Variants in PRR5 observed in about 807,000 individuals in gnomAD.
PRR5 encodes the protein proline rich 5, also known as proline-rich protein 5.
PRR5 carries 25 observed loss-of-function variants against 30.6 expected under a neutral mutation model. The observed-to-expected ratio is 0.82, with a 90% CI of 0.60 to 1.14. PRR5 has a LOEUF of 1.14. PRR5 is among the 50% of genes most tolerant of loss of function. The pLI is 0.00. For synonymous variants in PRR5, 286 were observed against 247.1 expected (o/e 1.16, Z -1.48); for missense variants, 600 against 547.1 (o/e 1.10, Z -0.96).
chr22:44,699,620 G>T (rs1015088823), upstream of PRR5, among the ~76,000 whole-genome samples: 1 of 152,216 alleles, frequency 6.6e-6, no homozygotes, highest in Non-Finnish European at 1.5e-5. Context: ...GCTAGGCACG[G>T]GGACTGTAGC....
chr22:44,732,440 T>G, intron 6 of PRR5, 49 bp downstream of exon 6: 1 of 1,577,280 alleles, frequency 6.3e-7, no homozygotes, highest in Non-Finnish European at 8.6e-7. Context: ...GGGGCAGTAA[T>G]TGGGCTCAGG....
intron 3 of PRR5, 89 bp from the exon 4 acceptor site, chr22:44,726,488 C>G (rs1920951682): frequency 6.9e-6 from 11 of 1,594,024 alleles, no homozygotes; most frequent in Non-Finnish European, 6.8e-6. Context: ...TGGCTGCTCA[C>G]TGGTGGATGG....
At chr22:44,673,220 G>A (rs748622567), upstream of PRR5, among the ~76,000 whole-genome samples, 6 of 152,222 alleles carry the variant, frequency 3.9e-5, no homozygotes, top group African/African-American at 9.7e-5. Flanking sequence ...CAGAAGACCC[G>A]AGTTCTGGCC....
At chr22:44,692,544 C>G (rs1032369603) in intron 1 of PRR5, among the ~76,000 whole-genome samples, 22 of 149,030 alleles carry the variant, frequency 1.5e-4, no homozygotes, top group African/African-American at 5.4e-4. Flanking sequence ...CCCGGGGGCT[C>G]CTCCACCTGG....
chr22:44,734,942 C>G, intron 6 of PRR5, 85 bp from the exon 7 acceptor site: 1 of 1,467,858 alleles, frequency 6.8e-7, no homozygotes, highest in Non-Finnish European at 9.3e-7. Context: ...GACAGGCTGT[C>G]TGGTGGGTGG....
At chr22:44,711,387 G>A (rs909256554) in intron 1 of PRR5, among the ~76,000 whole-genome samples, 1 of 152,164 alleles carries the variant, frequency 6.6e-6, no homozygotes, top group Non-Finnish European at 1.5e-5. Flanking sequence ...GCTTCAGCCT[G>A]GGGCCTCAAG....
upstream of PRR5, among the ~76,000 whole-genome samples, chr22:44,674,274 T>A (rs1923586768): frequency 1.3e-5 from 2 of 151,658 alleles, no homozygotes. Context: ...ACCCTGCCAG[T>A]GTTTTCGTTT....
At chr22:44,719,342 G>A (rs1196437283) in intron 2 of PRR5, among the ~76,000 whole-genome samples, 1 of 151,990 alleles carries the variant, frequency 6.6e-6, no homozygotes, top group Non-Finnish European at 1.5e-5. Flanking sequence ...CTCAGTGTTG[G>A]GATTATAGGC....
chr22:44,701,429 A>G (rs1926274435), upstream of PRR5, among the ~76,000 whole-genome samples: 1 of 152,256 alleles, frequency 6.6e-6, no homozygotes, highest in Non-Finnish European at 1.5e-5. Context: ...AATGGGGAGA[A>G]GAATAATCTC....
chr22:44,710,931 G>A lies in PRR5; in HGVS notation c.135-3660G>A, dbSNP rs531849368. ...GTGCTGACCTTACAGCACCCCGGGC[G>A]GTCGGCACTGTACTGAGAAGTCCAT... On this transcript the variant is annotated intron_variant, in intron 1 of 7. Coordinates refer to ENST00000336985, the MANE Select transcript of PRR5 (RefSeq NM_181333.4). Among the ~76,000 whole-genome samples the A allele has an allele frequency of 2.6e-5, 4 of 152,312 alleles. No homozygotes were observed. The East Asian group carries it at 5.8e-4, about 22-fold the overall frequency.
chr22:44,693,373 C>T (rs532532579), intron 1 of PRR5, among the ~76,000 whole-genome samples: 12 of 151,746 alleles, frequency 7.9e-5, no homozygotes, highest in African/African-American at 9.7e-5. Flanking sequence ...GTGGGAGGAT[C>T]GCCTGAGCCC....
chr22:44,729,158 C>G (rs1465001615), intron 4 of PRR5, among the ~76,000 whole-genome samples: 1 of 152,188 alleles, frequency 6.6e-6, no homozygotes, highest in African/African-American at 2.4e-5. Context: ...CCCAGCTGTG[C>G]TGCCTTACAC....
intron 1 of PRR5, among the ~76,000 whole-genome samples, chr22:44,669,272 A>G (rs1222148429): frequency 4.6e-5 from 7 of 152,044 alleles, no homozygotes; most frequent in Non-Finnish European, 1.0e-4. Context: ...AGGGCAAACA[A>G]AGATGGTCGA....
intron 1 of PRR5, among the ~76,000 whole-genome samples, chr22:44,669,521 T>C (rs8136464): frequency 0.056 from 8,564 of 152,280 alleles, 830 homozygotes; most frequent in African/African-American, 0.19. Context: ...CAGGTGGGGA[T>C]ACTGGGCAGG....
At chr22:44,686,532 G>A (rs999728445) in intron 1 of PRR5, among the ~76,000 whole-genome samples, 2 of 151,726 alleles carry the variant, frequency 1.3e-5, no homozygotes, top group African/African-American at 2.4e-5. Context: ...TTTGTTTTGA[G>A]ATGGAGTCTC....
chr22:44,732,297 A>T lies in PRR5; in HGVS notation c.461A>T (p.Asn154Ile). ...VRQLALLHFR[N>I]AITLSVKLED... ...CAGCTGGCCCTGCTGCACTTCCGGAATGCCATCACCCTCAGTGTGAAGCTA... is the reference window on the plus strand; with the variant it reads ...CAGCTGGCCCTGCTGCACTTCCGGATTGCCATCACCCTCAGTGTGAAGCTA... The change falls in exon 6 of 8, where the codon AAT becomes ATT. Residue 154 changes from asparagine to isoleucine, a missense_variant. By Grantham distance (149) the Asn-to-Ile change is moderately radical. Transcript: ENST00000336985. 1 of 1,612,378 alleles carries T rather than the reference A, an allele frequency of 6.2e-7. No individual in the cohort carries two copies. Among genetic ancestry groups the T allele is most frequent in the Non-Finnish European group, 8.5e-7 (1 of 1,179,964 alleles).
Position 44,702,405 on chromosome 22 carries a change from C to T in PRR5, c.-70C>T. The T allele has an allele frequency of 4.9e-6, 6 of 1,231,516 alleles. No individual in the cohort carries two copies. In the South Asian group the frequency reaches 1.5e-4, roughly 32 times the overall value. The allele number at this position is 1,231,516 out of a possible 1,614,324, so 76.3% of individuals were successfully genotyped here. A position where few individuals can be genotyped will look rare whatever the true frequency, so the allele number is the denominator to read the frequency against. On this transcript the variant is annotated 5_prime_UTR_variant, in exon 1 of 8. Coordinates refer to ENST00000336985, the MANE Select transcript of PRR5 (RefSeq NM_181333.4). ...AGAGGGCGCATCGCCGGCCCGGGGC[C>T]CTTGGTGCGGCGTGGCGCAGGGCGC...
intron 6 of PRR5, 127 bp downstream of exon 6, chr22:44,732,518 A>G: frequency 7.2e-7 from 1 of 1,392,752 alleles, no homozygotes; most frequent in Non-Finnish European, 9.6e-7. Flanking sequence ...CGATCAGAGG[A>G]GAAGCCTGTC....
At position 44,729,372 on chromosome 22, in the gene PRR5, G is replaced by A. The variant is rs754547777; in HGVS notation, c.323-2358G>A. The A allele has an allele frequency of 1.5e-4, 145 of 985,150 alleles. 1 individual carries two copies. Among genetic ancestry groups the A allele is most frequent in the Non-Finnish European group, 1.7e-4 (138 of 829,790 alleles). 61.0% of individuals were successfully genotyped at this position (985,150 alleles called of 1,614,324 possible). A position where few individuals can be genotyped will look rare whatever the true frequency, so the allele number is the denominator to read the frequency against. On this transcript the variant is annotated intron_variant, in intron 4 of 7. Coordinates refer to ENST00000336985, the MANE Select transcript of PRR5 (RefSeq NM_181333.4). ...AAAGGAAAGACGGACACCAGCCTGC[G>A]CCCACAGCGAGAACCCCAGAGTGGG...
Sources: allele counts gnomAD v4.1 joint callset (sites outside exome capture counted in the v4.1 genomes callset), GRCh38; gene constraint gnomAD v4.1.1; transcripts MANE v1.5; gene names NCBI Gene and HGNC (gene_info 2026-07-23, HGNC 2026-07-21).